The following CNTNAP5 variants were observed in gnomAD, a reference collection of about 807,000 sequenced individuals.
CNTNAP5 encodes the protein contactin-associated protein-like 5.
A neutral mutation model predicts 150.2 loss-of-function variants in CNTNAP5; 72 were observed. The observed-to-expected ratio is 0.48, with a 90% confidence interval of 0.40 to 0.58. The LOEUF (loss-of-function observed/expected upper bound fraction) is 0.58, where lower values mean the gene tolerates loss of function less well. Ranked by LOEUF, CNTNAP5 falls within the 20% of genes least tolerant of loss-of-function variation. The pLI is 0.00. For missense variants in CNTNAP5, 1,636 were observed against 1,626.2 expected (o/e 1.01, Z -0.10); for synonymous variants, 672 against 619.8 (o/e 1.08, Z -1.25).
chr2:124,435,316 G>A (rs1272338246), intron 5 of CNTNAP5, among the ~76,000 whole-genome samples: 1 of 152,084 alleles, frequency 6.6e-6, no homozygotes, highest in Non-Finnish European at 1.5e-5. Context: ...AGGGCCTGTT[G>A]CACTCCAGGC....
rs548309357 is a variant in CNTNAP5, at chr2:124,150,857, C to T, written c.83-70848C>T. 3.0e-4 allele frequency among the ~76,000 whole-genome samples: 46 copies of T among 152,168 alleles called. No individual in the cohort carries two copies. The South Asian group carries it at 5.6e-3, about 19-fold the overall frequency. On this transcript the variant is annotated intron_variant, in intron 1 of 23. Coordinates refer to ENST00000682447, the MANE Select transcript of CNTNAP5 (RefSeq NM_001367498.1). ...TTGTGGGGGGCACAAACATTTAGTC[C>T]GTAGTATGGATATTAGAGATTGTTA...
chr2:124,855,206 T>C (rs1267732353), intron 19 of CNTNAP5, among the ~76,000 whole-genome samples: 1 of 149,076 alleles, frequency 6.7e-6, no homozygotes, highest in African/African-American at 2.5e-5. Context: ...TGACAGAGTT[T>C]TGCTCTTGTT....
At chr2:124,777,008 G>A (rs111513932) in intron 17 of CNTNAP5, among the ~76,000 whole-genome samples, 2,043 of 152,092 alleles carry the variant, frequency 0.013, 49 homozygotes, top group African/African-American at 0.047. Flanking sequence ...TTACATAAGG[G>A]AAATTGTTTT....
intron 3 of CNTNAP5, among the ~76,000 whole-genome samples, chr2:124,347,486 C>G (rs1200977170): frequency 6.6e-6 from 1 of 152,114 alleles, no homozygotes; most frequent in South Asian, 2.1e-4. Flanking sequence ...GAGCACTAGG[C>G]GGGCAGATTG....
intron 3 of CNTNAP5, among the ~76,000 whole-genome samples, chr2:124,378,162 C>G (rs1553462801): frequency 6.6e-6 from 1 of 152,004 alleles, no homozygotes; most frequent in Non-Finnish European, 1.5e-5. Context: ...ATATATCCAT[C>G]ACAAAACCTC....
At chr2:124,575,720 A>G (rs1276819053) in intron 11 of CNTNAP5, among the ~76,000 whole-genome samples, 1 of 152,204 alleles carries the variant, frequency 6.6e-6, no homozygotes, top group Non-Finnish European at 1.5e-5. Flanking sequence ...CCTTGAGGTC[A>G]TGCACTTTGG....
At chr2:124,872,922 A>G (rs375607288) in intron 21 of CNTNAP5, among the ~76,000 whole-genome samples, 46 of 152,128 alleles carry the variant, frequency 3.0e-4, no homozygotes, top group African/African-American at 1.1e-3. Flanking sequence ...GGTACTACAG[A>G]CAACTTGTTA....
rs576822521 is a variant in CNTNAP5, at chr2:124,387,709, G to T, written c.382-29734G>T. Among the ~76,000 whole-genome samples, 4 of 152,262 alleles carry T rather than the reference G, an allele frequency of 2.6e-5. No individual in the cohort carries two copies. In the South Asian group the frequency reaches 8.3e-4, roughly 32 times the overall value. ...AAATCACAATGGTGGAATGTCATCA[G>T]TTAAGGCTATTTTTACTTCTTTTGT... On this transcript the variant is annotated intron_variant, in intron 3 of 23. Coordinates refer to ENST00000682447, the MANE Select transcript of CNTNAP5 (RefSeq NM_001367498.1).
chr2:124,311,357 G>A (rs764104168), intron 3 of CNTNAP5, among the ~76,000 whole-genome samples: 6 of 152,092 alleles, frequency 3.9e-5, no homozygotes, highest in Non-Finnish European at 5.9e-5. Context: ...GCAGACGGCC[G>A]CCTTCTCATG....
chr2:124,578,474 C>T (rs1413715765), intron 11 of CNTNAP5, among the ~76,000 whole-genome samples: 2 of 152,102 alleles, frequency 1.3e-5, no homozygotes, highest in African/African-American at 4.8e-5. Context: ...CTGGAAACCA[C>T]AGGATAAAGC....
rs540539091 is a variant in CNTNAP5 at position 124,501,996 on chromosome 2, G to C, written c.1063-2296G>C. Among the ~76,000 whole-genome samples, 14 of 152,300 alleles carry C rather than the reference G, an allele frequency of 9.2e-5. No individual in the cohort carries two copies. In the South Asian group the frequency reaches 2.7e-3, roughly 29 times the overall value. The stretch of plus-strand genomic sequence containing the variant: ...AGAATGATAGAGGGAAGTGTGAAGG[G>C]AATCGGGGGAAGGGAGAGAGAAGCT... On this transcript the variant is annotated intron_variant, in intron 7 of 23. Coordinates refer to ENST00000682447, the MANE Select transcript of CNTNAP5 (RefSeq NM_001367498.1).
chr2:124,549,475 A>G (rs1023594216), intron 10 of CNTNAP5, among the ~76,000 whole-genome samples: 6 of 152,230 alleles, frequency 3.9e-5, no homozygotes, highest in Non-Finnish European at 8.8e-5. Context: ...ATTAAATTAG[A>G]TAATTCTAGA....
chr2:124,911,888 G>A (rs868602439), intron 23 of CNTNAP5, among the ~76,000 whole-genome samples: 1 of 151,976 alleles, frequency 6.6e-6, no homozygotes, highest in Non-Finnish European at 1.5e-5. Context: ...AACTAAATTC[G>A]GGGAAGAAGC....
At position 124,362,131 on chromosome 2, in the gene CNTNAP5, G is replaced by A. The variant is rs186589012; in HGVS notation, c.382-55312G>A. 1.6e-3 allele frequency among the ~76,000 whole-genome samples: 240 copies of A among 152,324 alleles called. No individual in the cohort carries two copies. In the Middle Eastern group the frequency reaches 0.017, roughly 11 times the overall value. On this transcript the variant is annotated intron_variant, in intron 3 of 23. Coordinates refer to ENST00000682447, the MANE Select transcript of CNTNAP5 (RefSeq NM_001367498.1). ...GAAAGGGAACTCCCTGACCCCTTGC[G>A]CTTCCCAAGTGAGGCAATGCCTCGC...
chr2:124,365,787 C>T (rs890552799), intron 3 of CNTNAP5, among the ~76,000 whole-genome samples: 6 of 152,124 alleles, frequency 3.9e-5, no homozygotes, highest in African/African-American at 7.2e-5. Context: ...AAAAGACACC[C>T]GTTTCATAAC....
At chr2:124,362,274 G>T (rs529996980) in intron 3 of CNTNAP5, among the ~76,000 whole-genome samples, 2 of 152,302 alleles carry the variant, frequency 1.3e-5, no homozygotes, top group African/African-American at 4.8e-5. Context: ...CGTCTTCTGC[G>T]TCGCTCACGC....
At position 124,158,880 on chromosome 2, in the gene CNTNAP5, A is replaced by G. The variant is rs571461191; in HGVS notation, c.83-62825A>G. On this transcript the variant is annotated intron_variant, in intron 1 of 23. Coordinates refer to ENST00000682447, the MANE Select transcript of CNTNAP5 (RefSeq NM_001367498.1). ...TATGGGACAGGTGTGCTAAAGGTAC[A>G]AGGCTGGTGGCCAGTGGAGTGCTTC... Among the ~76,000 whole-genome samples the G allele has an allele frequency of 7.9e-5, 12 of 152,302 alleles. No homozygotes were observed. In the South Asian group the frequency reaches 2.1e-3, roughly 26 times the overall value.
At chr2:124,342,688 G>A (rs1689647131) in intron 3 of CNTNAP5, among the ~76,000 whole-genome samples, 1 of 152,010 alleles carries the variant, frequency 6.6e-6, no homozygotes, top group Non-Finnish European at 1.5e-5. Context: ...ATCAATCAGG[G>A]AGAAAAAAGG....
intron 21 of CNTNAP5, among the ~76,000 whole-genome samples, chr2:124,871,971 A>T (rs1677758792): frequency 6.6e-6 from 1 of 151,964 alleles, no homozygotes; most frequent in South Asian, 2.1e-4. Context: ...AATTATATGA[A>T]CTTAGACTTG....
Sources: gnomAD v4.1 joint callset for allele counts (sites outside exome capture counted in the v4.1 genomes callset) on GRCh38, gnomAD v4.1.1 for gene constraint, MANE v1.5 for transcripts, NCBI Gene and HGNC (gene_info 2026-07-23, HGNC 2026-07-21) for gene names.